SDK1: variants seen among roughly 807,000 people sequenced by gnomAD.
SDK1 encodes the protein protein sidekick-1.
A neutral mutation model predicts 245.5 loss-of-function variants in SDK1; 157 were observed. The observed-to-expected ratio is 0.64, with a 90% CI of 0.56 to 0.73. The LOEUF is 0.73. SDK1 is among the 30% of genes least tolerant of loss of function. The probability of loss-of-function intolerance (pLI) is 0.00; values close to 1 mark genes in which losing one functional copy is unlikely to be tolerated. For synonymous variants in SDK1, 1,647 were observed against 1,278.5 expected, an observed-to-expected ratio of 1.29 and a Z score of -6.15; for missense variants, 3,583 against 3,002.3, an observed-to-expected ratio of 1.19 and a Z score of -4.52.
chr7:3,354,330 G>GA (rs113801652), intron 1 of SDK1, among the ~76,000 whole-genome samples: 233 of 145,488 alleles, frequency 1.6e-3, no homozygotes, highest in African/African-American at 4.6e-3. Flanking sequence ...AAGTCAAACG[G>GA]AAAAAAAAAA....
At position 3,956,884 on chromosome 7, in the gene SDK1, C is replaced by T. The variant is rs549356458; in HGVS notation, c.1151-2047C>T. Among the ~76,000 whole-genome samples the T allele has an allele frequency of 1.7e-3, 253 of 152,268 alleles. 1 individual carries two copies. Among genetic ancestry groups the T allele is most frequent in the African/African-American group, 5.9e-3 (247 of 41,558 alleles). Reference sequence around the variant, plus strand: ...TGTGTGGAGTGCCCGTCTCCCTGACCCCAGCGAGGTCCCTTCCTGGCACTC... The same window carrying T: ...TGTGTGGAGTGCCCGTCTCCCTGACTCCAGCGAGGTCCCTTCCTGGCACTC... On this transcript the variant is annotated intron_variant, in intron 7 of 44. Transcript: ENST00000404826.
chr7:4,170,907 G>C (rs952610281), intron 32 of SDK1, among the ~76,000 whole-genome samples: 3 of 152,148 alleles, frequency 2.0e-5, no homozygotes, highest in Non-Finnish European at 4.4e-5. Flanking sequence ...ACACTGCTTT[G>C]TCGTCAAAAT....
chr7:3,663,532 A>G (rs953233786), intron 4 of SDK1, among the ~76,000 whole-genome samples: 3 of 152,202 alleles, frequency 2.0e-5, no homozygotes, highest in South Asian at 4.1e-4. Flanking sequence ...GAACAACACA[A>G]TGATGGGTAA....
chr7:3,338,609 TAA>T (rs1780264843), intron 1 of SDK1: 3 of 200,724 alleles, frequency 1.5e-5, no homozygotes, highest in African/African-American at 8.0e-5. Context: ...TGATAGGTGT[TAA>T]AAACAAACAA....
chr7:3,969,150 G>A (rs1333233454), intron 10 of SDK1, 107 bp from the exon 11 acceptor site: 4 of 1,001,950 alleles, frequency 4.0e-6, no homozygotes, highest in Non-Finnish European at 5.7e-6. Flanking sequence ...AGACTTGGGT[G>A]GGGACACGGA....
At chr7:4,063,450 A>G (rs1003937375) in intron 19 of SDK1, among the ~76,000 whole-genome samples, 1 of 152,140 alleles carries the variant, frequency 6.6e-6, no homozygotes, top group Non-Finnish European at 1.5e-5. Flanking sequence ...GAACTAAGAA[A>G]CTGAAGAAGA....
chr7:4,234,123 T>C (rs867432040), intron 41 of SDK1, among the ~76,000 whole-genome samples: 6 of 152,168 alleles, frequency 3.9e-5, no homozygotes, highest in Middle Eastern at 3.2e-3. Flanking sequence ...AGGTCACGTC[T>C]TCCTGGGACC....
At position 4,108,391 on chromosome 7, in the gene SDK1, G is replaced by T. The variant is rs115823741; in HGVS notation, c.3325-2272G>T. ...TCTGAAGTGAGGATTTGAGGGTTTC[G>T]ATGGCTACCCCAGTGCTGAGAACTG... is the stretch of plus-strand genomic sequence containing the variant. On this transcript the variant is annotated intron_variant, in intron 22 of 44. Transcript: ENST00000404826. Among the ~76,000 whole-genome samples the T allele has an allele frequency of 4.7e-3, 710 of 152,190 alleles. 7 individuals carry two copies. Among genetic ancestry groups the T allele is most frequent in the African/African-American group, 0.016 (651 of 41,528 alleles).
chr7:3,694,707 C>G (rs897766689), intron 4 of SDK1, among the ~76,000 whole-genome samples: 3 of 152,142 alleles, frequency 2.0e-5, no homozygotes, highest in African/African-American at 7.2e-5. Context: ...ACATCCGTCT[C>G]TGGGCCACAT....
chr7:4,016,809 G>C (rs533401823), intron 16 of SDK1, among the ~76,000 whole-genome samples: 2 of 152,324 alleles, frequency 1.3e-5, no homozygotes, highest in East Asian at 3.9e-4. Context: ...AGACTCACAA[G>C]AGGAAAGTGT....
chr7:4,133,268 T>C (rs1245647397), intron 28 of SDK1, among the ~76,000 whole-genome samples: 1 of 152,196 alleles, frequency 6.6e-6, no homozygotes, highest in Admixed American at 6.5e-5. Flanking sequence ...ATTTTTCCGT[T>C]CCCCAAAGCA....
chr7:3,607,664 G>T (rs555622515), intron 1 of SDK1, among the ~76,000 whole-genome samples: 1 of 152,224 alleles, frequency 6.6e-6, no homozygotes, highest in African/African-American at 2.4e-5. Context: ...TGGCTTAATA[G>T]TTAGTGACAT....
intron 17 of SDK1, 47 bp from the exon 18 acceptor site, chr7:4,049,301 C>A (rs1206535015): frequency 1.4e-6 from 2 of 1,440,082 alleles, no homozygotes; most frequent in Admixed American, 1.7e-5. Flanking sequence ...ACCCCATGGT[C>A]CCTCCTGCCA....
chr7:3,797,321 T>A (rs1032092012), intron 4 of SDK1, among the ~76,000 whole-genome samples: 1 of 151,678 alleles, frequency 6.6e-6, no homozygotes, highest in Non-Finnish European at 1.5e-5. Context: ...TTTCCTGTTT[T>A]CCCTTTTCGC....
At chr7:3,860,786 C>G (rs1780671241) in intron 5 of SDK1, among the ~76,000 whole-genome samples, 1 of 152,178 alleles carries the variant, frequency 6.6e-6, no homozygotes, top group Non-Finnish European at 1.5e-5. Context: ...GCACCTGACA[C>G]TGTAACCCAC....
At chr7:3,725,785 C>G (rs536940986) in intron 4 of SDK1, among the ~76,000 whole-genome samples, 7 of 152,284 alleles carry the variant, frequency 4.6e-5, no homozygotes, top group Admixed American at 2.6e-4. Context: ...GTCGTCTTCT[C>G]TTTTATAAGC....
chr7:3,869,095 T>A (rs6975723), intron 5 of SDK1, among the ~76,000 whole-genome samples: 29,827 of 151,258 alleles, frequency 0.2, 3,102 homozygotes, highest in Middle Eastern at 0.28. Flanking sequence ...GATTTTTTTT[T>A]CCCCCAAAAA....
At chr7:3,723,635 T>C (rs1778892591) in intron 4 of SDK1, among the ~76,000 whole-genome samples, 1 of 151,678 alleles carries the variant, frequency 6.6e-6, no homozygotes, top group Non-Finnish European at 1.5e-5. Flanking sequence ...AAGAAGACAT[T>C]TCATTCAGTT....
chr7:3,347,742 T>G (rs1322973560), intron 1 of SDK1, among the ~76,000 whole-genome samples: 1 of 152,192 alleles, frequency 6.6e-6, no homozygotes, highest in Non-Finnish European at 1.5e-5. Context: ...GGTACCATTT[T>G]AGTAAATTAA....
Sources: allele counts gnomAD v4.1 joint callset (sites outside exome capture counted in the v4.1 genomes callset), GRCh38; gene constraint gnomAD v4.1.1; transcripts MANE v1.5; gene names NCBI Gene and HGNC (gene_info 2026-07-23, HGNC 2026-07-21).